The following ADAM18 variants were observed in gnomAD, a reference collection of about 807,000 sequenced individuals.
ADAM18 encodes the protein ADAM metallopeptidase domain 18.
In ADAM18, 117 loss-of-function variants were observed where a neutral mutation model predicts 94.4. The ratio of observed to expected loss-of-function variants is 1.24; its 90% confidence interval spans 1.07 to 1.45. ADAM18 has a LOEUF of 1.45. Among genes scored for constraint, ADAM18 ranks in the 40% most tolerant of loss-of-function variants. ADAM18 has a pLI of 0.00. For missense variants in ADAM18, 936 were observed against 880.0 expected, an observed-to-expected ratio of 1.06 and a Z score of -0.81; for synonymous variants, 327 against 291.6, an observed-to-expected ratio of 1.12 and a Z score of -1.24.
intron 13 of ADAM18, among the ~76,000 whole-genome samples, chr8:39,666,524 G>C (rs1395526983): frequency 6.6e-6 from 1 of 152,000 alleles, no homozygotes; most frequent in Non-Finnish European, 1.5e-5. Context: ...TGGTTTTCAT[G>C]CTGCTGATAA....
intron 7 of ADAM18, among the ~76,000 whole-genome samples, chr8:39,629,996 A>G (rs1819888268): frequency 6.6e-6 from 1 of 151,790 alleles, no homozygotes; most frequent in Admixed American, 6.6e-5. Flanking sequence ...GTTTTATTGA[A>G]TGCATATTTT....
chr8:39,680,075 A>G lies in ADAM18; in HGVS notation c.1670A>G (p.His557Arg). The G allele has an allele frequency of 1.2e-6, 2 of 1,613,848 alleles. No individual in the cohort carries two copies. The highest frequency in any genetic ancestry group is 1.7e-6 in the Non-Finnish European group (2 of 1,179,876). Reference protein sequence around the residue: ...LCGKLACVQPHKNANKSDAQS... With the variant: ...LCGKLACVQPRKNANKSDAQS... ...GGAAAATTAGCTTGTGTTCAGCCAC[A>G]TAAAAATGCTAATAAAAGTGACGCT... Residue 557 changes from histidine to arginine, a missense_variant, in exon 16 of 20, where the codon CAT (histidine) becomes CGT (arginine). Coordinates refer to ENST00000265707, the MANE Select transcript of ADAM18 (RefSeq NM_014237.3).
At chr8:39,598,146 T>C (rs887521385) in intron 2 of ADAM18, among the ~76,000 whole-genome samples, 1 of 152,192 alleles carries the variant, frequency 6.6e-6, no homozygotes, top group Non-Finnish European at 1.5e-5. Flanking sequence ...TGTAATTGTT[T>C]TTTGGTTCCA....
intron 6 of ADAM18, among the ~76,000 whole-genome samples, chr8:39,616,522 C>CTA (rs1440984273): frequency 6.6e-6 from 1 of 152,144 alleles, no homozygotes; most frequent in Non-Finnish European, 1.5e-5. Flanking sequence ...CAAAACTATT[C>CTA]TAAAATTCAT....
chr8:39,619,762 T>G (rs1167524765), intron 6 of ADAM18, among the ~76,000 whole-genome samples: 1 of 152,088 alleles, frequency 6.6e-6, no homozygotes, highest in African/African-American at 2.4e-5. Flanking sequence ...GGAAAGATAT[T>G]TAATGTTCAT....
At chr8:39,706,718 C>G in intron 17 of ADAM18, 72 bp from the exon 18 acceptor site, 1 of 650,748 alleles carries the variant, frequency 1.5e-6, no homozygotes, top group Non-Finnish European at 2.6e-6. Flanking sequence ...TTATTTATAT[C>G]AGATACAAAG....
At chr8:39,625,572 T>A (rs1182994095) in intron 6 of ADAM18, among the ~76,000 whole-genome samples, 9 of 152,180 alleles carry the variant, frequency 5.9e-5, no homozygotes, top group African/African-American at 2.2e-4. Flanking sequence ...TCCAGCACTA[T>A]GTTGAATAGA....
chr8:39,687,367 T>C (rs1044631987), intron 16 of ADAM18, among the ~76,000 whole-genome samples: 3 of 152,234 alleles, frequency 2.0e-5, no homozygotes, highest in African/African-American at 7.2e-5. Context: ...GATGATCCAG[T>C]GAGAAATGGT....
At chr8:39,700,710 G>T (rs1822043615) in intron 17 of ADAM18, among the ~76,000 whole-genome samples, 1 of 152,048 alleles carries the variant, frequency 6.6e-6, no homozygotes, top group South Asian at 2.1e-4. Context: ...TATTAACAAG[G>T]TTAAGTGATG....
intron 18 of ADAM18, among the ~76,000 whole-genome samples, chr8:39,707,536 T>C (rs1336716039): frequency 6.6e-6 from 1 of 152,204 alleles, no homozygotes; most frequent in Non-Finnish European, 1.5e-5. Flanking sequence ...TAGTTTGAGA[T>C]ACATCTGCAA....
chr8:39,715,636 G>A (rs1167211854), intron 18 of ADAM18, among the ~76,000 whole-genome samples: 1 of 151,922 alleles, frequency 6.6e-6, no homozygotes, highest in African/African-American at 2.4e-5. Flanking sequence ...AAATGAACAT[G>A]TAAGCGGTAA....
chr8:39,703,765 C>T (rs1444275317), intron 17 of ADAM18, among the ~76,000 whole-genome samples: 1 of 151,538 alleles, frequency 6.6e-6, no homozygotes, highest in African/African-American at 2.4e-5. Flanking sequence ...AAAGATTAAC[C>T]AATTCAGGAG....
chr8:39,668,205 C>T lies in ADAM18; in HGVS notation c.1525+9C>T, dbSNP rs1212197851. 7 of 1,612,836 alleles carry T rather than the reference C, an allele frequency of 4.3e-6. No individual in the cohort carries two copies. Among genetic ancestry groups the T allele is most frequent in the Non-Finnish European group, 5.9e-6 (7 of 1,178,930 alleles). On this transcript the variant is annotated intron_variant, in intron 14 of 19. Coordinates refer to ENST00000265707, the MANE Select transcript of ADAM18 (RefSeq NM_014237.3). ...CAAGATATTTGGAAAAGGTATTGCT[C>T]TTTCTTTCGTATTTATTTTACCTTA... is the stretch of plus-strand genomic sequence containing the variant.
intron 18 of ADAM18, among the ~76,000 whole-genome samples, chr8:39,708,027 TAC>T (rs1822289488): frequency 2.6e-5 from 4 of 152,188 alleles, no homozygotes; most frequent in Non-Finnish European, 4.4e-5. Context: ...AGGTAGCATA[TAC>T]GGCATGTATT....
In ADAM18 at chr8:39,597,607, G is replaced by A. The variant is rs187513215; in HGVS notation, c.133-8700G>A. 2.1e-4 allele frequency among the ~76,000 whole-genome samples: 32 copies of A among 152,138 alleles called. No homozygotes were observed. In the East Asian group the frequency reaches 6.2e-3, roughly 29 times the overall value. ...ACTTTATTTACATAGATCAATTTCTGTGCTCTTTTTTCTGTTCCATTATTC... is the reference window on the plus strand; with the variant it reads ...ACTTTATTTACATAGATCAATTTCTATGCTCTTTTTTCTGTTCCATTATTC... On this transcript the variant is annotated intron_variant, in intron 2 of 19. Transcript: ENST00000265707.
intron 17 of ADAM18, among the ~76,000 whole-genome samples, chr8:39,700,389 A>T (rs758224267): frequency 1.3e-5 from 2 of 152,188 alleles, no homozygotes; most frequent in Non-Finnish European, 1.5e-5. Context: ...TCTTGGTCAG[A>T]TGTATGTGAC....
intron 17 of ADAM18, among the ~76,000 whole-genome samples, chr8:39,703,497 G>T (rs1822146448): frequency 6.6e-6 from 1 of 151,776 alleles, no homozygotes; most frequent in Non-Finnish European, 1.5e-5. Context: ...TGATTGCCCT[G>T]CCCAGAACTG....
intron 18 of ADAM18, among the ~76,000 whole-genome samples, chr8:39,713,625 G>T (rs1035410559): frequency 1.3e-5 from 2 of 152,068 alleles, no homozygotes; most frequent in Non-Finnish European, 2.9e-5. Context: ...CAAAAAGTGG[G>T]CAAAGGATAT....
chr8:39,622,872 T>TTA (rs1554505280), intron 6 of ADAM18, among the ~76,000 whole-genome samples: 1 of 152,052 alleles, frequency 6.6e-6, no homozygotes, highest in Non-Finnish European at 1.5e-5. Context: ...CTGTATATAT[T>TTA]TATATATATA....
Sources: allele counts gnomAD v4.1 joint callset (sites outside exome capture counted in the v4.1 genomes callset), GRCh38; gene constraint gnomAD v4.1.1; transcripts MANE v1.5; gene names NCBI Gene and HGNC (gene_info 2026-07-23, HGNC 2026-07-21).